UBE3A: variants seen among roughly 807,000 people sequenced by gnomAD.
UBE3A encodes ubiquitin protein ligase E3A.
In UBE3A, 6 loss-of-function variants were observed where a neutral mutation model predicts 83.4. The ratio of observed to expected loss-of-function variants is 0.07; its 90% CI spans 0.04 to 0.14. The LOEUF is 0.14. UBE3A is among the 10% of genes least tolerant of loss of function. The pLI, the probability that UBE3A is intolerant of heterozygous loss-of-function variation, is 1.00. For synonymous variants in UBE3A, 337 were observed against 355.4 expected (o/e 0.95, Z 0.58); for missense variants, 456 against 1,036.1 (o/e 0.44, Z 7.69).
chr15:25,381,387 CAAGT>C (rs1344057120), intron 4 of UBE3A, among the ~76,000 whole-genome samples: 4 of 151,748 alleles, frequency 2.6e-5, no homozygotes, highest in Admixed American at 6.6e-5. Flanking sequence ...GAACGCCAAA[CAAGT>C]AAGATTAGAA....
Position 25,371,196 on chromosome 15 carries a change from A to T in UBE3A, c.978T>A (p.Ser326=), listed in dbSNP as rs1228935421. The T allele has an allele frequency of 6.2e-7, 1 of 1,614,078 alleles. No homozygotes were observed. The part of the protein sequence containing the change: ...AAQGKLIRLW[S]KYNADQIRRM... ...TCCGAATCTGGTCTGCATTGTATTTAGACCACAGTCTGATCAGTTTTCCTT... is the reference window on the plus strand; with the variant it reads ...TCCGAATCTGGTCTGCATTGTATTTTGACCACAGTCTGATCAGTTTTCCTT... Residue 326 remains serine (S), a synonymous_variant, in exon 6 of 13, where the codon TCT becomes TCA. Transcript: ENST00000648336. This position sits in a 1 kb window ranked among gnomAD's most constrained non-coding sequence, Gnocchi z 5.3.
intron 4 of UBE3A, among the ~76,000 whole-genome samples, chr15:25,394,532 C>T (rs774781152): frequency 3.3e-5 from 5 of 151,996 alleles, no homozygotes; most frequent in Admixed American, 6.6e-5. Context: ...GTAAGTACAC[C>T]GAAGAAGTCA....
intron 4 of UBE3A, among the ~76,000 whole-genome samples, chr15:25,399,201 T>C (rs868585526): frequency 4.1e-4 from 62 of 152,260 alleles, no homozygotes; most frequent in African/African-American, 1.4e-3. Context: ...AGCTTTTTAG[T>C]TTGATGTGAT....
At position 25,410,237 on chromosome 15, in the gene UBE3A, T is replaced by C. The variant is rs545601520; in HGVS notation, c.-100-1030A>G. Among the ~76,000 whole-genome samples the C allele has an allele frequency of 2.3e-4, 35 of 152,268 alleles. 1 individual carries two copies. In the South Asian group the frequency reaches 6.6e-3, roughly 29 times the overall value. On this transcript the variant is annotated intron_variant, in intron 2 of 12. Transcript: ENST00000648336. ...ATAAATCTACTAAGATTTAATTTCA[T>C]GAAAAAGTATGGCAAAAGATGAAAG...
chr15:25,351,077 CATT>C (rs1357163377), intron 11 of UBE3A, among the ~76,000 whole-genome samples: 1 of 152,158 alleles, frequency 6.6e-6, no homozygotes, highest in Non-Finnish European at 1.5e-5. Context: ...TCGACACCAC[CATT>C]ATTACCACCA....
intron 4 of UBE3A, among the ~76,000 whole-genome samples, chr15:25,378,666 G>A (rs2081635654): frequency 6.6e-6 from 1 of 152,176 alleles, no homozygotes; most frequent in Non-Finnish European, 1.5e-5. Context: ...CAGCTTCAGA[G>A]TCTAAGTCAT....
chr15:25,405,641 A>C (rs1170960236), intron 3 of UBE3A, 139 bp from the exon 4 acceptor site: 3 of 921,702 alleles, frequency 3.3e-6, no homozygotes, highest in African/African-American at 3.3e-5. Context: ...AGATGTCAAC[A>C]TGAAAGAAAG....
At chr15:25,347,444 G>A (rs186324902) in intron 11 of UBE3A, among the ~76,000 whole-genome samples, 1 of 152,186 alleles carries the variant, frequency 6.6e-6, no homozygotes. Flanking sequence ...GCTCATGCCT[G>A]TAATTCCAGC....
chr15:25,414,211 AG>A (rs2090478519), intron 1 of UBE3A, among the ~76,000 whole-genome samples: 1 of 152,168 alleles, frequency 6.6e-6, no homozygotes, highest in Non-Finnish European at 1.5e-5. Context: ...GTCCTGGTTA[AG>A]GACTAAAAAA....
chr15:25,405,548 CAA>C, intron 3 of UBE3A, 46 bp from the exon 4 acceptor site: 1 of 1,557,384 alleles, frequency 6.4e-7, no homozygotes, highest in Non-Finnish European at 8.8e-7. Flanking sequence ...TTCCATATTC[CAA>C]AAAAAAAGGT....
chr15:25,340,043 G>C (rs2074483016), intron 12 of UBE3A, 42 bp downstream of exon 12: 2 of 1,613,220 alleles, frequency 1.2e-6, no homozygotes, highest in Admixed American at 1.7e-5. Flanking sequence ...AGGAATGCAA[G>C]GTTTTCGGTA....
chr15:25,386,373 AT>A (rs2152928167), intron 4 of UBE3A, among the ~76,000 whole-genome samples: 1 of 152,342 alleles, frequency 6.6e-6, no homozygotes, highest in South Asian at 2.1e-4. Context: ...CCAGGACCAG[AT>A]ACAGCAGGGA....
chr15:25,401,650 CTTTCA>C (rs2087122299), intron 4 of UBE3A, among the ~76,000 whole-genome samples: 1 of 152,174 alleles, frequency 6.6e-6, no homozygotes, highest in Non-Finnish European at 1.5e-5. Context: ...AATGGTTCCT[CTTTCA>C]TTTCTGATTT....
At chr15:25,382,790 TA>T (rs1323628335) in intron 4 of UBE3A, among the ~76,000 whole-genome samples, 1 of 151,714 alleles carries the variant, frequency 6.6e-6, no homozygotes, top group Non-Finnish European at 1.5e-5. Flanking sequence ...GCCACAGAAA[TA>T]AATAGGACCT....
chr15:25,352,727 G>C (rs2076685455), intron 11 of UBE3A, among the ~76,000 whole-genome samples: 1 of 152,144 alleles, frequency 6.6e-6, no homozygotes, highest in Non-Finnish European at 1.5e-5. Context: ...AATACTTGTA[G>C]ACTATTTAAT....
intron 2 of UBE3A, among the ~76,000 whole-genome samples, chr15:25,410,368 T>C (rs2089714718): frequency 6.6e-6 from 1 of 152,148 alleles, no homozygotes; most frequent in Non-Finnish European, 1.5e-5. Context: ...TTACTGACAC[T>C]GTAGTTCTGG....
Position 25,375,671 on chromosome 15 carries a change from G to C in UBE3A, c.155C>G (p.Ala52Gly), listed in dbSNP as rs1364705156. Residue 52 changes from alanine to glycine, a missense_variant, in exon 5 of 13, where the codon GCT (alanine) becomes GGT (glycine). Coordinates refer to ENST00000648336, the MANE Select transcript of UBE3A (RefSeq NM_130839.5). Reference protein sequence around the residue: ...GNEACTNEFCASCPTFLRMDN... With the variant: ...GNEACTNEFCGSCPTFLRMDN... Reference sequence around the variant, plus strand: ...CATACGAAGAAAAGTTGGACAGGAAGCACAAAACTCATTCGTGCAGGCTTC... The same window carrying C: ...CATACGAAGAAAAGTTGGACAGGAACCACAAAACTCATTCGTGCAGGCTTC... 1 of 1,614,108 alleles carries C rather than the reference G, an allele frequency of 6.2e-7. No individual in the cohort carries two copies. The highest frequency in any genetic ancestry group is 1.7e-5 in the Admixed American group (1 of 60,012).
chr15:25,407,260 G>A (rs2088838444), intron 3 of UBE3A: 1 of 1,091,928 alleles, frequency 9.2e-7, no homozygotes, highest in Non-Finnish European at 1.1e-6. Context: ...AAACCTGCTG[G>A]CACTGAGGGA....
intron 4 of UBE3A, among the ~76,000 whole-genome samples, chr15:25,400,375 A>T (rs2153019212): frequency 6.6e-6 from 1 of 152,348 alleles, no homozygotes; most frequent in East Asian, 1.9e-4. Flanking sequence ...TGTATACTTT[A>T]AATCATTACT....
Sources: allele counts gnomAD v4.1 joint callset (sites outside exome capture counted in the v4.1 genomes callset), GRCh38; gene constraint gnomAD v4.1.1; non-coding constraint Gnocchi (gnomAD v3.1); transcripts MANE v1.5; gene names NCBI Gene and HGNC (gene_info 2026-07-23, HGNC 2026-07-21).